Variants in DLX1 observed in about 807,000 individuals in gnomAD.
DLX1 encodes distal-less homeobox 1.
Under a neutral mutation model 25.0 loss-of-function variants are expected in DLX1, and 7 were observed. That is an observed-to-expected ratio of 0.28 (90% CI 0.16 to 0.52). DLX1 has a LOEUF of 0.52. DLX1 is among the 20% of genes least tolerant of loss of function. The pLI is 0.96. For missense variants in DLX1, 233 were observed against 334.4 expected (o/e 0.70, Z 2.37); for synonymous variants, 155 against 140.3 (o/e 1.10, Z -0.74).
chr2:172,086,597 C>G, intron 1 of DLX1, 57 bp from the exon 2 acceptor site: 1 of 1,474,998 alleles, frequency 6.8e-7, no homozygotes. Flanking sequence ...CTCGGCTGTT[C>G]GCACTAAAGG....
intron 1 of DLX1, 144 bp from the exon 2 acceptor site, chr2:172,086,510 C>T: frequency 1.2e-6 from 1 of 809,304 alleles, no homozygotes; most frequent in South Asian, 2.0e-5. Context: ...TTTTGGGGGA[C>T]CCTTCCCTGG....
In DLX1 at chr2:172,085,876, C is replaced by T; in HGVS notation, c.199C>T (p.Leu67=). Reference sequence around the variant, plus strand: ...CTCAGCCTCGTCCTTCTCCCGACCGCTGGGCTACCCCTACGTCAACTCGGT... The same window carrying T: ...CTCAGCCTCGTCCTTCTCCCGACCGTTGGGCTACCCCTACGTCAACTCGGT... The part of the protein sequence containing the change: ...YSSASSFSRP[L]GYPYVNSVSS... The change falls in exon 1 of 3, where the codon CTG becomes TTG. Residue 67 remains leucine (L), a synonymous_variant. Transcript: ENST00000361725. The surrounding 1 kb of genome is among the most constrained non-coding windows in gnomAD (Gnocchi z 4.3). The T allele has an allele frequency of 6.2e-7, 1 of 1,614,234 alleles. No individual in the cohort carries two copies. Among genetic ancestry groups the T allele is most frequent in the East Asian group, 2.2e-5 (1 of 44,882 alleles).
intron 2 of DLX1, 61 bp downstream of exon 2, chr2:172,086,914 G>T (rs759891719): frequency 6.4e-7 from 1 of 1,570,868 alleles, no homozygotes. Flanking sequence ...CCTGCGCCCG[G>T]GTCTTCATTT....
At position 172,088,082 on chromosome 2, in the gene DLX1, C is replaced by A; in HGVS notation, c.593C>A (p.Ala198Glu). The change falls in exon 3 of 3, where the codon GCG (alanine) becomes GAG (glutamate). Residue 198 changes from alanine to glutamate, a missense_variant. By Grantham distance (107) the Ala-to-Glu change is moderately radical. Transcript: ENST00000361725. Reference sequence around the variant, plus strand: ...GGTGGGGCGGCTCTGGAGGGTAGTGCGTTGGCCAACGGTCGGGCCCTGTCT... The same window carrying A: ...GGTGGGGCGGCTCTGGAGGGTAGTGAGTTGGCCAACGGTCGGGCCCTGTCT... ...KQGGAALEGSALANGRALSAG... is the reference protein window; with the variant it reads ...KQGGAALEGSELANGRALSAG... The A allele has an allele frequency of 6.3e-7, 1 of 1,589,982 alleles. No homozygotes were observed. The highest frequency in any genetic ancestry group is 8.6e-7 in the Non-Finnish European group (1 of 1,168,334).
chr2:172,087,737 G>T (rs572473401), intron 2 of DLX1, among the ~76,000 whole-genome samples: 4 of 151,702 alleles, frequency 2.6e-5, no homozygotes, highest in South Asian at 2.1e-4. Flanking sequence ...CTGGATCCCG[G>T]TTCTCCCCTC....
chr2:172,087,859 C>A, intron 2 of DLX1, 144 bp from the exon 3 acceptor site: 1 of 1,230,944 alleles, frequency 8.1e-7, no homozygotes, highest in Non-Finnish European at 1.1e-6. Flanking sequence ...GGAGGGATGT[C>A]TCTGCTTCTC....
intron 2 of DLX1, 70 bp from the exon 3 acceptor site, chr2:172,087,933 T>C (rs1690891163): frequency 4.0e-6 from 6 of 1,503,420 alleles, no homozygotes; most frequent in Non-Finnish European, 5.3e-6. Flanking sequence ...TGCGGTCCCT[T>C]TTTTCCTCCC....
chr2:172,085,947 C>A lies in DLX1; in HGVS notation c.270C>A (p.Tyr90Ter). ...CCTACATCAGTTCGGTGCAGTCCTA[C>A]CCGGGCAGCGCCAGCCTCGCCCAGA... ...SSPYISSVQS[Y>*]PGSASLAQSR... Residue 90 changes from tyrosine (Y) to a stop codon, truncating the protein, a stop_gained, in exon 1 of 3, where the codon TAC (tyrosine) becomes TAA (stop). Transcript: ENST00000361725. LOFTEE classifies it high-confidence loss of function. The surrounding 1 kb of genome is among the most constrained non-coding windows in gnomAD (Gnocchi z 4.3). 1 of 1,613,974 alleles carries A rather than the reference C, an allele frequency of 6.2e-7. No homozygotes were observed. Among genetic ancestry groups the A allele is most frequent in the Non-Finnish European group, 8.5e-7 (1 of 1,179,942 alleles).
In DLX1 at chr2:172,089,598, C is replaced by T. The variant is rs1690936615; in HGVS notation, c.*1341C>T. The T allele has an allele frequency of 6.6e-6, 1 of 152,578 alleles. No homozygotes were observed. The highest frequency in any genetic ancestry group is 1.5e-5 in the Non-Finnish European group (1 of 68,032). 9.5% of individuals were successfully genotyped at this position (152,578 alleles called of 1,614,324 possible). On this transcript the variant is annotated 3_prime_UTR_variant, in exon 3 of 3. Transcript: ENST00000361725. Reference sequence around the variant, plus strand: ...TTATATTGAGAATGTTAACTTATTGCTTTGTATCTTGGGAAAAAAACTTTG... The same window carrying T: ...TTATATTGAGAATGTTAACTTATTGTTTTGTATCTTGGGAAAAAAACTTTG...
Position 172,088,075 on chromosome 2 carries a change from G to C in DLX1, c.586G>C (p.Gly196Arg). Reference sequence around the variant, plus strand: ...GAAGCAGGGTGGGGCGGCTCTGGAGGGTAGTGCGTTGGCCAACGGTCGGGC... The same window carrying C: ...GAAGCAGGGTGGGGCGGCTCTGGAGCGTAGTGCGTTGGCCAACGGTCGGGC... The part of the protein sequence containing the change: ...LMKQGGAALE[G>R]SALANGRALS... The change falls in exon 3 of 3, where the codon GGT becomes CGT. Residue 196 changes from glycine to arginine, a missense_variant. By Grantham distance (125) the Gly-to-Arg change is moderately radical. This residue lies in a region of DLX1 where 84 missense variants were observed against 81.8 expected (regional missense o/e 1.03). Coordinates refer to ENST00000361725, the MANE Select transcript of DLX1 (RefSeq NM_178120.5). 1 of 1,584,146 alleles carries C rather than the reference G, an allele frequency of 6.3e-7. No individual in the cohort carries two copies. Among genetic ancestry groups the C allele is most frequent in the Non-Finnish European group, 8.6e-7 (1 of 1,165,588 alleles).
At chr2:172,087,948 A>T in intron 2 of DLX1, 55 bp from the exon 3 acceptor site, 1 of 1,504,116 alleles carries the variant, frequency 6.6e-7, no homozygotes, top group Non-Finnish European at 8.9e-7. Context: ...CCTCCCTGTG[A>T]CCTAGGTAGG....
Position 172,086,492 on chromosome 2 carries a change from C to T in DLX1, c.314-162C>T, listed in dbSNP as rs568070040. ...CCCTCCTGCAGCGTCCCGGGACAGG[C>T]CCTCGGATTTTGGGGGACCCTTCCC... is the stretch of plus-strand genomic sequence containing the variant. On this transcript the variant is annotated intron_variant, in intron 1 of 2. Transcript: ENST00000361725. 6.4e-4 allele frequency: 424 copies of T among 663,012 alleles called. 1 individual carries two copies. The highest frequency in any genetic ancestry group is 2.4e-3 in the South Asian group (110 of 45,084). 41.1% of individuals were successfully genotyped at this position (663,012 alleles called of 1,614,324 possible). A position where few individuals can be genotyped will look rare whatever the true frequency, so the allele number is the denominator to read the frequency against.
At chr2:172,086,530 T>G in intron 1 of DLX1, 124 bp from the exon 2 acceptor site, 2 of 964,514 alleles carry the variant, frequency 2.1e-6, no homozygotes, top group Non-Finnish European at 3.0e-6. Flanking sequence ...GCTTTCAGAG[T>G]TTCTTGAACG....
Position 172,085,788 on chromosome 2 carries a change from C to T in DLX1, c.111C>T (p.His37=), listed in dbSNP as rs377533627. ...AAATGTCTCCTTCTCCCATGTCCCA[C>T]GGGCACTACTCCATGCACTGTTTAC... ...NQQMSPSPMS[H]GHYSMHCLHS... is the part of the protein sequence containing the mutation. The change falls in exon 1 of 3, where the codon CAC becomes CAT. Residue 37 remains histidine, a synonymous_variant. Coordinates refer to ENST00000361725, the MANE Select transcript of DLX1 (RefSeq NM_178120.5). This position sits in a 1 kb window ranked among gnomAD's most constrained non-coding sequence, Gnocchi z 4.3. 7.4e-6 allele frequency: 12 copies of T among 1,614,228 alleles called. No homozygotes were observed. In the South Asian group the frequency reaches 1.3e-4, roughly 18 times the overall value.
chr2:172,085,836 C>G lies in DLX1; in HGVS notation c.159C>G (p.Pro53=), dbSNP rs779728824. ...HCLHSAGHSQ[P]DGAYSSASSF... ...TACACTCGGCGGGCCATTCGCAGCC[C>G]GACGGCGCCTACAGCTCAGCCTCGT... The change falls in exon 1 of 3, where the codon CCC becomes CCG. Residue 53 remains proline (P), a synonymous_variant. Transcript: ENST00000361725. This position sits in a 1 kb window ranked among gnomAD's most constrained non-coding sequence, Gnocchi z 4.3. 21 of 1,614,082 alleles carry G rather than the reference C, an allele frequency of 1.3e-5. No individual in the cohort carries two copies. Among genetic ancestry groups the G allele is most frequent in the Admixed American group, 5.0e-5 (3 of 60,014 alleles).
In DLX1 at chr2:172,085,604, T is replaced by C; in HGVS notation, c.-74T>C. On this transcript the variant is annotated 5_prime_UTR_variant, in exon 1 of 3. Transcript: ENST00000361725. This position sits in a 1 kb window ranked among gnomAD's most constrained non-coding sequence, Gnocchi z 4.3. Reference sequence around the variant, plus strand: ...TCCGCTTAAATTGGGTTCCTTCCTGTCCTGAGAAACATAGAGACCCCCAAA... The same window carrying C: ...TCCGCTTAAATTGGGTTCCTTCCTGCCCTGAGAAACATAGAGACCCCCAAA... 6.7e-7 allele frequency: 1 copy of C among 1,487,160 alleles called. No homozygotes were observed. Among genetic ancestry groups the C allele is most frequent in the Non-Finnish European group, 9.1e-7 (1 of 1,098,980 alleles). The allele number at this position is 1,487,160 out of a possible 1,614,324, so 92.1% of individuals were successfully genotyped here.
Position 172,085,647 on chromosome 2 carries a change from A to T in DLX1, c.-31A>T. The stretch of plus-strand genomic sequence containing the variant: ...CCCCCAAAAGGGAAGCAGAGGAGAG[A>T]AAGTCCCACACCCAGACCCCGCGAG... On this transcript the variant is annotated 5_prime_UTR_variant, in exon 1 of 3. Transcript: ENST00000361725. The surrounding 1 kb of genome is among the most constrained non-coding windows in gnomAD (Gnocchi z 4.3). The T allele has an allele frequency of 6.3e-7, 1 of 1,590,356 alleles. No individual in the cohort carries two copies. The highest frequency in any genetic ancestry group is 8.6e-7 in the Non-Finnish European group (1 of 1,169,040).
Position 172,086,640 on chromosome 2 carries a change from T to C in DLX1, c.314-14T>C. On this transcript the variant is annotated splice_polypyrimidine_tract_variant and intron_variant, in intron 1 of 2. Coordinates refer to ENST00000361725, the MANE Select transcript of DLX1 (RefSeq NM_178120.5). ...TCGTATTAACAACGGGCCCTACTTC[T>C]GCTGTCCCTCCAGGGGCGGACTCGG... is the stretch of plus-strand genomic sequence containing the variant. 6.6e-7 allele frequency: 1 copy of C among 1,519,672 alleles called. No homozygotes were observed. Among genetic ancestry groups the C allele is most frequent in the South Asian group, 1.3e-5 (1 of 75,608 alleles). The allele number at this position is 1,519,672 out of a possible 1,614,324, so 94.1% of individuals were successfully genotyped here.
chr2:172,088,183 T>C lies in DLX1; in HGVS notation c.694T>C (p.Ser232Pro). ...GAAGGGCTCAGGAGGAAACGCGGGC[T>C]CCTATATCCCCAGCTACACATCGTG... The part of the protein sequence containing the change: ...SGKGSGGNAG[S>P]YIPSYTSWYP... The change falls in exon 3 of 3, where the codon TCC becomes CCC. Residue 232 changes from serine to proline, a missense_variant. Physicochemically the swap from Ser to Pro is moderately conservative, Grantham distance 74. Coordinates refer to ENST00000361725, the MANE Select transcript of DLX1 (RefSeq NM_178120.5). 6.2e-7 allele frequency: 1 copy of C among 1,609,068 alleles called. No homozygotes were observed.
Sources: allele counts gnomAD v4.1 joint callset (sites outside exome capture counted in the v4.1 genomes callset), GRCh38; gene constraint gnomAD v4.1.1; regional missense constraint gnomAD v4.1.1; non-coding constraint Gnocchi (gnomAD v3.1); transcripts MANE v1.5; gene names NCBI Gene and HGNC (gene_info 2026-07-23, HGNC 2026-07-21).